FIG4: variants seen among roughly 807,000 people sequenced by gnomAD.
FIG4 encodes FIG4 phosphoinositide 5-phosphatase.
Under a neutral mutation model 118.6 loss-of-function variants are expected in FIG4, and 112 were observed. That is an observed-to-expected ratio of 0.94 (90% CI 0.81 to 1.11). FIG4 has a LOEUF of 1.11. Among genes scored for constraint, FIG4 ranks in the 50% least tolerant of loss-of-function variants. The probability of loss-of-function intolerance (pLI) is 0.00; values close to 1 mark genes in which losing one functional copy is unlikely to be tolerated. For missense variants in FIG4, 969 were observed against 1,111.7 expected (o/e 0.87, Z 1.83); for synonymous variants, 369 against 381.2 (o/e 0.97, Z 0.37).
At chr6:109,764,292 T>A (rs1777210605) in intron 13 of FIG4, among the ~76,000 whole-genome samples, 1 of 151,782 alleles carries the variant, frequency 6.6e-6, no homozygotes, top group Non-Finnish European at 1.5e-5. Flanking sequence ...CAAAAAATTA[T>A]CCGGGCTTGG....
chr6:109,779,833 C>T (rs996977537), intron 16 of FIG4, among the ~76,000 whole-genome samples: 7 of 152,184 alleles, frequency 4.6e-5, no homozygotes, highest in African/African-American at 7.2e-5. Context: ...CTCAGGCTCA[C>T]GTAGAGCTGA....
rs1288827326 is a variant in FIG4, at chr6:109,706,163, C to G, written c.67-8915C>G. ...CGAGGTGCTTATAGTAGGGGGCAGA[C>G]AAGCCCCAAACAAATTTAGACAAGA... On this transcript the variant is annotated intron_variant, in intron 1 of 22. Transcript: ENST00000230124. Among the ~76,000 whole-genome samples, 3 of 152,186 alleles carry G rather than the reference C, an allele frequency of 2.0e-5. No homozygotes were observed. In the East Asian group the frequency reaches 5.8e-4, roughly 29 times the overall value.
chr6:109,775,002 T>C (rs933761829), intron 15 of FIG4, among the ~76,000 whole-genome samples: 1 of 152,246 alleles, frequency 6.6e-6, no homozygotes, highest in Non-Finnish European at 1.5e-5. Context: ...AATTGTTATA[T>C]TTAAACCTGA....
chr6:109,768,864 G>A (rs1777362375), intron 15 of FIG4, among the ~76,000 whole-genome samples: 1 of 152,120 alleles, frequency 6.6e-6, no homozygotes, highest in African/African-American at 2.4e-5. Context: ...CAAAACAATA[G>A]AAATGTATTT....
At chr6:109,735,120 AT>A (rs1401448161) in intron 5 of FIG4, 29 bp from the exon 6 acceptor site, 1 of 1,601,516 alleles carries the variant, frequency 6.2e-7, no homozygotes, top group Non-Finnish European at 8.6e-7. Flanking sequence ...TGCTTTTGTA[AT>A]TCTTATTAAG....
intron 22 of FIG4, among the ~76,000 whole-genome samples, chr6:109,808,350 CAAAAAAAAAA>C (rs55948419): frequency 6.0e-4 from 40 of 67,044 alleles, no homozygotes; most frequent in African/African-American, 2.4e-3. Flanking sequence ...ACACTCACAG[CAAAAAAAAAA>C]AAAAAAAAAA....
intron 1 of FIG4, among the ~76,000 whole-genome samples, chr6:109,698,337 A>G (rs1001397956): frequency 2.0e-5 from 3 of 152,142 alleles, no homozygotes; most frequent in South Asian, 2.1e-4. Flanking sequence ...TTGTGTTTCC[A>G]TATGAATTTT....
At chr6:109,815,496 C>CGGGGGGGGGGGGGGG (rs58181285) in intron 22 of FIG4, among the ~76,000 whole-genome samples, 1 of 106,516 alleles carries the variant, frequency 9.4e-6, no homozygotes. Context: ...CTCCAGGCTG[C>CGGGGGGGGGGGGGGG]CCCCCCCACC....
rs1216891665 is a variant in FIG4 at position 109,743,656 on chromosome 6, C to T, written c.1040-19C>T. 2.5e-6 allele frequency: 4 copies of T among 1,594,426 alleles called. No individual in the cohort carries two copies. The highest frequency in any genetic ancestry group is 3.4e-6 in the Non-Finnish European group (4 of 1,163,690). ...TGCAATTTTCATTCAGGTGCTTTTTCATCTTTTTTCCTTCTCAGTGGATCA... is the reference window on the plus strand; with the variant it reads ...TGCAATTTTCATTCAGGTGCTTTTTTATCTTTTTTCCTTCTCAGTGGATCA... On this transcript the variant is annotated intron_variant, in intron 9 of 22. Transcript: ENST00000230124.
At chr6:109,803,682 A>G (rs915558867) in intron 22 of FIG4, among the ~76,000 whole-genome samples, 1 of 151,886 alleles carries the variant, frequency 6.6e-6, no homozygotes, top group African/African-American at 2.4e-5. Context: ...GGTTTGTTAC[A>G]TATGTATACA....
chr6:109,744,866 C>G (rs1038353673), intron 10 of FIG4, among the ~76,000 whole-genome samples: 9 of 151,614 alleles, frequency 5.9e-5, no homozygotes, highest in Admixed American at 5.9e-4. Context: ...GTTCAGTTCC[C>G]ACTTACGAGT....
chr6:109,693,810 C>A (rs1220329574), intron 1 of FIG4, among the ~76,000 whole-genome samples: 1 of 151,938 alleles, frequency 6.6e-6, no homozygotes, highest in Non-Finnish European at 1.5e-5. Context: ...GCTGGGCAAC[C>A]ACCCTTGAAA....
At chr6:109,749,055 C>CTCTGTGTGTGTGTG (rs1183995634) in intron 10 of FIG4, among the ~76,000 whole-genome samples, 4 of 132,398 alleles carry the variant, frequency 3.0e-5, no homozygotes, top group African/African-American at 1.1e-4. Flanking sequence ...CAAAGGAGCT[C>CTCTGTGTGTGTGTG]TGTGTGTGTG....
intron 5 of FIG4, among the ~76,000 whole-genome samples, chr6:109,733,145 A>AT (rs1216681410): frequency 6.6e-6 from 1 of 152,180 alleles, no homozygotes; most frequent in Non-Finnish European, 1.5e-5. Flanking sequence ...CTGAGAAGGA[A>AT]TATGGCATTG....
chr6:109,813,044 A>G (rs1020422325), intron 22 of FIG4, among the ~76,000 whole-genome samples: 1 of 152,202 alleles, frequency 6.6e-6, no homozygotes, highest in African/African-American at 2.4e-5. Flanking sequence ...GAAATCACCA[A>G]TATTTACACT....
intron 1 of FIG4, among the ~76,000 whole-genome samples, chr6:109,706,438 A>G (rs761764775): frequency 6.6e-6 from 1 of 152,114 alleles, no homozygotes; most frequent in Non-Finnish European, 1.5e-5. Context: ...TGCCTCTGTT[A>G]TAGCATGCTA....
At chr6:109,757,486 A>G (rs1455359912) in intron 10 of FIG4, among the ~76,000 whole-genome samples, 3 of 152,236 alleles carry the variant, frequency 2.0e-5, no homozygotes, top group Admixed American at 2.0e-4. Context: ...GCTATTTGTA[A>G]CAAACCCACA....
Position 109,756,475 on chromosome 6 carries a change from T to C in FIG4, c.1138-3775T>C, listed in dbSNP as rs11505171. On this transcript the variant is annotated intron_variant, in intron 10 of 22. Transcript: ENST00000230124. ...GTTCTCTGTATTTCCTGAATCTGAA[T>C]GTTGGCCTGCCTTGCTAGATTGGGG... Among the ~76,000 whole-genome samples the C allele has an allele frequency of 4.8e-3, 729 of 151,996 alleles. 6 individuals are homozygous for C. The highest frequency in any genetic ancestry group is 0.017 in the African/African-American group (684 of 41,362).
At chr6:109,811,093 G>A (rs573433319) in intron 22 of FIG4, among the ~76,000 whole-genome samples, 6 of 152,248 alleles carry the variant, frequency 3.9e-5, no homozygotes, top group South Asian at 2.1e-4. Flanking sequence ...TTCATGTCAC[G>A]TGCAGTGCTG....
Sources: allele counts gnomAD v4.1 joint callset (sites outside exome capture counted in the v4.1 genomes callset), GRCh38; gene constraint gnomAD v4.1.1; transcripts MANE v1.5; gene names NCBI Gene and HGNC (gene_info 2026-07-23, HGNC 2026-07-21).